Variants in SEMA3E observed in about 807,000 individuals in gnomAD.
SEMA3E encodes semaphorin 3E.
In SEMA3E, 49 loss-of-function variants were observed where a neutral mutation model predicts 93.6. The ratio of observed to expected loss-of-function variants is 0.52; its 90% CI spans 0.42 to 0.66. SEMA3E has a LOEUF of 0.66. SEMA3E is among the 30% of genes least tolerant of loss of function. SEMA3E has a pLI of 0.00. For synonymous variants in SEMA3E, 363 were observed against 330.7 expected, an observed-to-expected ratio of 1.10 and a Z score of -1.06; for missense variants, 906 against 964.8, an observed-to-expected ratio of 0.94 and a Z score of 0.81.
chr7:83,523,644 C>T (rs73708242), intron 1 of SEMA3E, among the ~76,000 whole-genome samples: 1,789 of 152,150 alleles, frequency 0.012, 34 homozygotes, highest in African/African-American at 0.041. Context: ...TTCTCCCTCT[C>T]TGGCCAATCA....
intron 2 of SEMA3E, among the ~76,000 whole-genome samples, chr7:83,488,508 C>G (rs181895420): frequency 2.0e-5 from 3 of 152,198 alleles, no homozygotes; most frequent in East Asian, 1.9e-4. Context: ...AACAATGGAG[C>G]GGTATCCTCA....
chr7:83,561,013 G>GAAGACATTA (rs1284149722), intron 1 of SEMA3E, among the ~76,000 whole-genome samples: 1 of 151,922 alleles, frequency 6.6e-6, no homozygotes, highest in Non-Finnish European at 1.5e-5. Flanking sequence ...TAGAAATCCT[G>GAAGACATTA]AAGACATTAT....
intron 4 of SEMA3E, among the ~76,000 whole-genome samples, chr7:83,452,289 T>C (rs1789380106): frequency 1.3e-5 from 2 of 152,134 alleles, no homozygotes; most frequent in African/African-American, 2.4e-5. Context: ...TTTTCCTTAT[T>C]TTGACTTCTT....
chr7:83,409,850 A>G (rs1414584005), intron 5 of SEMA3E, among the ~76,000 whole-genome samples: 1 of 151,652 alleles, frequency 6.6e-6, no homozygotes, highest in African/African-American at 2.4e-5. Context: ...GGAAAACTTC[A>G]GAAGTGTAAG....
intron 11 of SEMA3E, among the ~76,000 whole-genome samples, chr7:83,397,652 C>G (rs542918021): frequency 6.6e-6 from 1 of 152,112 alleles, no homozygotes; most frequent in South Asian, 2.1e-4. Flanking sequence ...ATATTCTGAA[C>G]TTGTTCCTTC....
chr7:83,567,981 T>G (rs558394594), intron 1 of SEMA3E, among the ~76,000 whole-genome samples: 1 of 151,800 alleles, frequency 6.6e-6, no homozygotes, highest in Admixed American at 6.5e-5. Flanking sequence ...TAAACAAAAT[T>G]GATAAACTGC....
intron 1 of SEMA3E, among the ~76,000 whole-genome samples, chr7:83,625,417 T>C (rs941614904): frequency 6.6e-6 from 1 of 152,326 alleles, no homozygotes; most frequent in South Asian, 2.1e-4. Flanking sequence ...TGGTTTGTAG[T>C]TCTCCTTGAA....
At chr7:83,638,935 C>A (rs1793935499) in intron 1 of SEMA3E, among the ~76,000 whole-genome samples, 2 of 150,792 alleles carry the variant, frequency 1.3e-5, no homozygotes, top group South Asian at 4.2e-4. Flanking sequence ...AATGGTGAAA[C>A]CCTGTCTCTA....
intron 1 of SEMA3E, among the ~76,000 whole-genome samples, chr7:83,628,813 T>G (rs962210963): frequency 5.3e-5 from 8 of 152,020 alleles, no homozygotes; most frequent in Non-Finnish European, 2.9e-5. Flanking sequence ...TCTCCATCCA[T>G]TTTTCTTCCC....
In SEMA3E at chr7:83,390,828, C is replaced by T. The variant is rs181315819; in HGVS notation, c.1667+1727G>A. On this transcript the variant is annotated intron_variant, in intron 14 of 16. Coordinates refer to ENST00000643230, the MANE Select transcript of SEMA3E (RefSeq NM_012431.3). ...ATTTTTCTCATTCACTTGACTTTTT[C>T]TAAGTAACTCTTTTTGTCCACCACA... Among the ~76,000 whole-genome samples, 989 of 152,196 alleles carry T rather than the reference C, an allele frequency of 6.5e-3. 11 individuals are homozygous for T. Among genetic ancestry groups the T allele is most frequent in the Non-Finnish European group, 9.5e-3 (646 of 68,002 alleles).
At chr7:83,392,090 T>G (rs2115579058) in intron 14 of SEMA3E, among the ~76,000 whole-genome samples, 1 of 152,248 alleles carries the variant, frequency 6.6e-6, no homozygotes, top group African/African-American at 2.4e-5. Flanking sequence ...GCATTGGAGT[T>G]TGGAGGTCTT....
Position 83,474,111 on chromosome 7 carries a change from A to G in SEMA3E, c.277-4809T>C, listed in dbSNP as rs558461442. ...TATCTCAATTAAAAAAAAAAAAAAA[A>G]AAAAAGAAAAATAAGACGTATGCTT... On this transcript the variant is annotated intron_variant, in intron 2 of 16. Transcript: ENST00000643230. Among the ~76,000 whole-genome samples, 169 of 151,416 alleles carry G rather than the reference A, an allele frequency of 1.1e-3. 2 individuals carry two copies. The East Asian group carries it at 0.012, about 11-fold the overall frequency.
At chr7:83,389,134 A>G (rs1031199742) in intron 14 of SEMA3E, among the ~76,000 whole-genome samples, 5 of 152,086 alleles carry the variant, frequency 3.3e-5, no homozygotes, top group Non-Finnish European at 5.9e-5. Flanking sequence ...AATAGAGCTT[A>G]TGAAAAAATA....
chr7:83,381,490 T>TA (rs1787776172), intron 16 of SEMA3E, among the ~76,000 whole-genome samples: 2 of 152,128 alleles, frequency 1.3e-5, no homozygotes, highest in East Asian at 3.9e-4. Flanking sequence ...TGAGGCCTTC[T>TA]ATGGCCACCC....
chr7:83,592,329 T>A lies in SEMA3E; in HGVS notation c.115+56099A>T, dbSNP rs140207403. Among the ~76,000 whole-genome samples, 18 of 152,266 alleles carry A rather than the reference T, an allele frequency of 1.2e-4. No individual in the cohort carries two copies. In the East Asian group the frequency reaches 3.1e-3, roughly 26 times the overall value. ...CTTAAAGTTATGCTAATAGGTATGT[T>A]GGTGGTAATAATTTGCTTGCTGTAC... On this transcript the variant is annotated intron_variant, in intron 1 of 16. Coordinates refer to ENST00000643230, the MANE Select transcript of SEMA3E (RefSeq NM_012431.3).
intron 5 of SEMA3E, among the ~76,000 whole-genome samples, chr7:83,416,064 C>T (rs1788532704): frequency 6.6e-6 from 1 of 152,064 alleles, no homozygotes; most frequent in African/African-American, 2.4e-5. Context: ...ATTTTCACTT[C>T]CTCTCTTTTA....
chr7:83,486,750 C>T (rs1054428630), intron 2 of SEMA3E, among the ~76,000 whole-genome samples: 2 of 152,088 alleles, frequency 1.3e-5, no homozygotes, highest in Non-Finnish European at 2.9e-5. Context: ...CCTCAGGACT[C>T]CTTCCTGGCA....
At chr7:83,485,282 T>G (rs1186315056) in intron 2 of SEMA3E, among the ~76,000 whole-genome samples, 1 of 152,242 alleles carries the variant, frequency 6.6e-6, no homozygotes, top group Non-Finnish European at 1.5e-5. Flanking sequence ...TACTGCTATG[T>G]GCCAAGCACT....
chr7:83,387,689 G>A lies in SEMA3E; in HGVS notation c.1668-639C>T, dbSNP rs768899056. On this transcript the variant is annotated intron_variant, in intron 14 of 16. Transcript: ENST00000643230. ...ATCTAGTGGGACTCAAGAAATATTA[G>A]TATTTTCCCCCTCAATCTGCCTCGT... Among the ~76,000 whole-genome samples the A allele has an allele frequency of 3.3e-5, 5 of 151,032 alleles. No homozygotes were observed. In the East Asian group the frequency reaches 9.7e-4, roughly 29 times the overall value.
Sources: gnomAD v4.1 joint callset for allele counts (sites outside exome capture counted in the v4.1 genomes callset) on GRCh38, gnomAD v4.1.1 for gene constraint, MANE v1.5 for transcripts, NCBI Gene and HGNC (gene_info 2026-07-23, HGNC 2026-07-21) for gene names.